Variants in GCNT3 observed in about 807,000 individuals in gnomAD.
The protein encoded by GCNT3 is glucosaminyl (N-acetyl) transferase 3, mucin type.
For missense variants in GCNT3, 708 were observed against 530.3 expected (o/e 1.34, Z -3.29); for synonymous variants, 269 against 195.2 (o/e 1.38, Z -3.15).
rs889881201 is a variant in GCNT3 at position 59,619,078 on chromosome 15, C to G, written c.840C>G (p.Asn280Lys). 4 of 1,613,972 alleles carry G rather than the reference C, an allele frequency of 2.5e-6. No individual in the cohort carries two copies. The highest frequency in any genetic ancestry group is 1.7e-6 in the Non-Finnish European group (2 of 1,179,952). ...TGAGAGACACATTACACCTAACCAA[C>G]AAGAAGAAGGATCCTCCCCCTTATA... ...EVVRDTLHLT[N>K]KKKDPPPYNL... Residue 280 changes from asparagine (N) to lysine (K), a missense_variant, in exon 3 of 3, where the codon AAC becomes AAG. Coordinates refer to ENST00000396065, the MANE Select transcript of GCNT3 (RefSeq NM_004751.3).
At chr15:59,616,079 C>T (rs1266114811) in intron 1 of GCNT3, among the ~76,000 whole-genome samples, 1 of 152,136 alleles carries the variant, frequency 6.6e-6, no homozygotes, top group Non-Finnish European at 1.5e-5. Context: ...TAGTGTAATC[C>T]ATTCCTTAGA....
At position 59,621,281 on chromosome 15, in the gene GCNT3, G is replaced by A. The variant is rs116511104; in HGVS notation, c.*1726G>A. ...CATTTCCTTGCGGGGAGACAATAAG[G>A]TATGTGTAAATACATATATGTGTGT... On this transcript the variant is annotated 3_prime_UTR_variant, in exon 3 of 3. Coordinates refer to ENST00000396065, the MANE Select transcript of GCNT3 (RefSeq NM_004751.3). The A allele has an allele frequency of 6.6e-6, 1 of 152,004 alleles. No individual in the cohort carries two copies. The highest frequency in any genetic ancestry group is 1.5e-5 in the Non-Finnish European group (1 of 68,004). 9.4% of individuals were successfully genotyped at this position (152,004 alleles called of 1,614,324 possible).
At chr15:59,615,703 C>T (rs1402112463) in intron 1 of GCNT3, among the ~76,000 whole-genome samples, 5 of 150,882 alleles carry the variant, frequency 3.3e-5, no homozygotes, top group Non-Finnish European at 5.9e-5. Context: ...GGCAACATAG[C>T]AAGACCTCAT....
rs767584967 is a variant in GCNT3 at position 59,619,119 on chromosome 15, C to T, written c.881C>T (p.Thr294Ile). The T allele has an allele frequency of 3.5e-5, 56 of 1,614,144 alleles. No homozygotes were observed. Among genetic ancestry groups the T allele is most frequent in the Middle Eastern group, 3.3e-4 (2 of 6,062 alleles). The change falls in exon 3 of 3, where the codon ACA (threonine) becomes ATA (isoleucine). Residue 294 changes from threonine (T) to isoleucine (I), a missense_variant. Coordinates refer to ENST00000396065, the MANE Select transcript of GCNT3 (RefSeq NM_004751.3). ...CCCCCTTATAATTTAACTATGTTTA[C>T]AGGGAATGCGTACATTGTGGCTTCC... is the stretch of plus-strand genomic sequence containing the variant. The part of the protein sequence containing the change: ...DPPPYNLTMF[T>I]GNAYIVASRD...
chr15:59,612,578 C>T (rs1216925785), intron 1 of GCNT3, among the ~76,000 whole-genome samples: 1 of 152,176 alleles, frequency 6.6e-6, no homozygotes, highest in Non-Finnish European at 1.5e-5. Context: ...AAGCATCATA[C>T]CCCAGGTTTC....
rs1239841682 is a variant in GCNT3, at chr15:59,611,941, G to A, written c.-291G>A. 9 of 152,206 alleles carry A rather than the reference G, an allele frequency of 5.9e-5. No individual in the cohort carries two copies. Among genetic ancestry groups the A allele is most frequent in the Admixed American group, 5.9e-4 (9 of 15,270 alleles). The allele number at this position is 152,206 out of a possible 1,614,324, so 9.4% of individuals were successfully genotyped here. On this transcript the variant is annotated 5_prime_UTR_variant, in exon 1 of 3. Coordinates refer to ENST00000396065, the MANE Select transcript of GCNT3 (RefSeq NM_004751.3). ...CAGATGAAGAACATGACCTCAAGGA[G>A]CTTCCTGTCAATGAGAAGACCAAGC...
Position 59,619,456 on chromosome 15 carries a change from C to A in GCNT3, c.1218C>A (p.His406Gln). 6.2e-7 allele frequency: 1 copy of A among 1,614,088 alleles called. No homozygotes were observed. Among genetic ancestry groups the A allele is most frequent in the Non-Finnish European group, 8.5e-7 (1 of 1,179,984 alleles). Residue 406 changes from histidine to glutamine, a missense_variant, in exon 3 of 3, where the codon CAC becomes CAA. Physicochemically the swap from His to Gln is conservative, Grantham distance 24. Transcript: ENST00000396065. ...GDLNWMLQNH[H>Q]LLANKFDPKV... ...TGAATTGGATGCTTCAAAACCATCA[C>A]CTGTTGGCCAACAAGTTTGACCCAA...
rs370136583 is a variant in GCNT3 at position 59,619,523 on chromosome 15, C to T, written c.1285C>T (p.Arg429Cys). 15 of 1,604,486 alleles carry T rather than the reference C, an allele frequency of 9.3e-6. No individual in the cohort carries two copies. The highest frequency in any genetic ancestry group is 1.7e-4 in the Middle Eastern group (1 of 6,030). The change falls in exon 3 of 3, where the codon CGT becomes TGT. Residue 429 changes from arginine (R) to cysteine (C), a missense_variant. Coordinates refer to ENST00000396065, the MANE Select transcript of GCNT3 (RefSeq NM_004751.3). ...TCTTCAGTGCTTAGAAGAATACCTA[C>T]GTTATAAGGCCATCTATGGGACTGA... ...NALQCLEEYL[R>C]YKAIYGTEL
chr15:59,612,688 G>A (rs1566903802), intron 1 of GCNT3, among the ~76,000 whole-genome samples: 1 of 152,120 alleles, frequency 6.6e-6, no homozygotes. Context: ...GGCTAGCATG[G>A]AATTAAGGTG....
At chr15:59,617,191 T>TTTTTTTTTA (rs1555392374) in intron 2 of GCNT3, among the ~76,000 whole-genome samples, 1 of 145,808 alleles carries the variant, frequency 6.9e-6, no homozygotes, top group Non-Finnish European at 1.5e-5. Context: ...TTTTTTTTTT[T>TTTTTTTTTA]AAAGGGGCTT....
At position 59,622,707 on chromosome 15, in the gene GCNT3, A is replaced by G. The variant is rs1847094647; in HGVS notation, c.*3152A>G. The G allele has an allele frequency of 6.6e-6, 1 of 152,224 alleles. No individual in the cohort carries two copies. The highest frequency in any genetic ancestry group is 1.5e-5 in the Non-Finnish European group (1 of 68,046). The allele number at this position is 152,224 out of a possible 1,614,324, so 9.4% of individuals were successfully genotyped here. A position where few individuals can be genotyped will look rare whatever the true frequency, so the allele number is the denominator to read the frequency against. ...AATTTATAATTTTTTATATAAATAAAAAGATTAAAATGTGAACTTGTCATT... is the reference window on the plus strand; with the variant it reads ...AATTTATAATTTTTTATATAAATAAGAAGATTAAAATGTGAACTTGTCATT... On this transcript the variant is annotated 3_prime_UTR_variant, in exon 3 of 3. Transcript: ENST00000396065.
At position 59,618,463 on chromosome 15, in the gene GCNT3, A is replaced by G. The variant is rs746057526; in HGVS notation, c.225A>G (p.Arg75=). ...CTATCAACTGTTCAGGGGTCACCCG[A>G]GGGGACCAAGAGGCAGTGCTTCAGG... The part of the protein sequence containing the change: ...KRSINCSGVT[R]GDQEAVLQAI... The change falls in exon 3 of 3, where the codon CGA becomes CGG. Residue 75 remains arginine, a synonymous_variant. Transcript: ENST00000396065. 1 of 1,613,800 alleles carries G rather than the reference A, an allele frequency of 6.2e-7. No homozygotes were observed. The highest frequency in any genetic ancestry group is 1.7e-5 in the Admixed American group (1 of 60,014).
In GCNT3 at chr15:59,621,488, G is replaced by A. The variant is rs1343999290; in HGVS notation, c.*1933G>A. On this transcript the variant is annotated 3_prime_UTR_variant, in exon 3 of 3. Coordinates refer to ENST00000396065, the MANE Select transcript of GCNT3 (RefSeq NM_004751.3). ...ACAGCTCATCTTCTGCATACGATAT[G>A]CCCTGGAAAGGTGATTTATATGCAA... 8 of 151,042 alleles carry A rather than the reference G, an allele frequency of 5.3e-5. No individual in the cohort carries two copies. In the East Asian group the frequency reaches 1.6e-3, roughly 29 times the overall value. The allele number at this position is 151,042 out of a possible 1,614,324, so 9.4% of individuals were successfully genotyped here.
At chr15:59,614,855 C>T (rs565520202) in intron 1 of GCNT3, among the ~76,000 whole-genome samples, 4 of 152,260 alleles carry the variant, frequency 2.6e-5, no homozygotes, top group African/African-American at 9.6e-5. Context: ...GGTTCAAGCA[C>T]CTCTGACAAC....
At chr15:59,613,565 TAAATAAATAAATAA>T (rs1370595015) in intron 1 of GCNT3, among the ~76,000 whole-genome samples, 1 of 144,878 alleles carries the variant, frequency 6.9e-6, no homozygotes. Context: ...AATAAATAAA[TAAATAAATAAATAA>T]AAATAAAAAT....
Position 59,618,256 on chromosome 15 carries a change from ACT to A in GCNT3, c.21_22del (p.Cys8ProfsTer28), listed in dbSNP as rs2082728713. 1 of 1,575,976 alleles carries A rather than the reference ACT, an allele frequency of 6.3e-7. No individual in the cohort carries two copies. The highest frequency in any genetic ancestry group is 8.6e-7 in the Non-Finnish European group (1 of 1,160,414). On this transcript the variant is annotated frameshift_variant, in exon 3 of 3. Coordinates refer to ENST00000396065, the MANE Select transcript of GCNT3 (RefSeq NM_004751.3). LOFTEE classifies it low-confidence loss of function (END_TRUNC). MVQWKR[L>X]CQLHYLWALG... Reference sequence around the variant, plus strand: ...CTGTGACGATGGTTCAATGGAAGAGACTCTGCCAGCTGCATTACTTGTGGGCT... The same window carrying A: ...CTGTGACGATGGTTCAATGGAAGAGACTGCCAGCTGCATTACTTGTGGGCT...
At position 59,621,285 on chromosome 15, in the gene GCNT3, G is replaced by T. The variant is rs1457190917; in HGVS notation, c.*1730G>T. 6.6e-6 allele frequency: 1 copy of T among 152,074 alleles called. No individual in the cohort carries two copies. The highest frequency in any genetic ancestry group is 2.4e-5 in the African/African-American group (1 of 41,388). 9.4% of individuals were successfully genotyped at this position (152,074 alleles called of 1,614,324 possible). ...TCCTTGCGGGGAGACAATAAGGTAT[G>T]TGTAAATACATATATGTGTGTGTAT... is the stretch of plus-strand genomic sequence containing the variant. On this transcript the variant is annotated 3_prime_UTR_variant, in exon 3 of 3. Coordinates refer to ENST00000396065, the MANE Select transcript of GCNT3 (RefSeq NM_004751.3).
chr15:59,617,538 A>G (rs1298742860), intron 2 of GCNT3, among the ~76,000 whole-genome samples: 6 of 152,320 alleles, frequency 3.9e-5, no homozygotes, highest in Admixed American at 3.9e-4. Flanking sequence ...TTGTATATAC[A>G]CAGCTTGTGT....
rs2082741017 is a variant in GCNT3, at chr15:59,620,176, T to C, written c.*621T>C. 6.1e-6 allele frequency: 1 copy of C among 162,848 alleles called. No homozygotes were observed. Among genetic ancestry groups the C allele is most frequent in the Admixed American group, 6.7e-5 (1 of 15,030 alleles). The allele number at this position is 162,848 out of a possible 1,614,324, so 10.1% of individuals were successfully genotyped here. Reference sequence around the variant, plus strand: ...TCCTGACAAGCTGCATGAATAGCAATTTTTTTTTTGAGACAGAGTCTTGCT... The same window carrying C: ...TCCTGACAAGCTGCATGAATAGCAACTTTTTTTTTGAGACAGAGTCTTGCT... On this transcript the variant is annotated 3_prime_UTR_variant, in exon 3 of 3. Transcript: ENST00000396065.
Sources: gnomAD v4.1 joint callset for allele counts (sites outside exome capture counted in the v4.1 genomes callset) on GRCh38, gnomAD v4.1.1 for gene constraint, MANE v1.5 for transcripts, NCBI Gene and HGNC (gene_info 2026-07-23, HGNC 2026-07-21) for gene names.